KIFC3: variants seen among roughly 807,000 people sequenced by gnomAD.
KIFC3 encodes kinesin-like protein KIFC3.
Under a neutral mutation model 101.8 loss-of-function variants are expected in KIFC3, and 60 were observed. That is an observed-to-expected ratio of 0.59 (90% CI 0.48 to 0.73). The LOEUF (loss-of-function observed/expected upper bound fraction) is 0.73. Ranked by LOEUF, KIFC3 falls within the 30% of genes least tolerant of loss-of-function variation. The probability of loss-of-function intolerance (pLI) is 0.00; values close to 1 mark genes in which losing one functional copy is unlikely to be tolerated. For synonymous variants in KIFC3, 476 were observed against 482.7 expected (o/e 0.99, Z 0.18); for missense variants, 966 against 1,137.1 (o/e 0.85, Z 2.16).
chr16:57,833,207 AATAT>A (rs148991422), intron 1 of KIFC3, among the ~76,000 whole-genome samples: 2 of 149,542 alleles, frequency 1.3e-5, no homozygotes, highest in Admixed American at 1.3e-4. Context: ...CTCTGTCTCA[AATAT>A]ATATATATAT....
intron 1 of KIFC3, among the ~76,000 whole-genome samples, chr16:57,810,337 G>A (rs1467420724): frequency 2.0e-5 from 3 of 152,202 alleles, no homozygotes; most frequent in Admixed American, 6.6e-5. Context: ...CTGTAGCTTC[G>A]CTTTGCTGAG....
In KIFC3 at chr16:57,781,768, T is replaced by C. The variant is rs372403185; in HGVS notation, c.316-9480A>G. ...TCCCCTATTCCCCTGAGGTAGGTACTATTATTATCCCCATTTTACAGGAAG... is the reference window on the plus strand; with the variant it reads ...TCCCCTATTCCCCTGAGGTAGGTACCATTATTATCCCCATTTTACAGGAAG... On this transcript the variant is annotated intron_variant, in intron 3 of 19. Transcript: ENST00000445690. 4.3e-5 allele frequency: 8 copies of C among 187,224 alleles called. No homozygotes were observed. The East Asian group carries it at 5.6e-4, about 13-fold the overall frequency. 11.6% of individuals were successfully genotyped at this position (187,224 alleles called of 1,614,324 possible). A position where few individuals can be genotyped will look rare whatever the true frequency, so the allele number is the denominator to read the frequency against.
intron 1 of KIFC3, among the ~76,000 whole-genome samples, chr16:57,841,092 C>G (rs1440128360): frequency 6.6e-6 from 1 of 152,142 alleles, no homozygotes; most frequent in African/African-American, 2.4e-5. Context: ...CTGGACCTTG[C>G]GTTATCAGCA....
intron 1 of KIFC3, among the ~76,000 whole-genome samples, chr16:57,801,018 T>C (rs1305897707): frequency 6.6e-6 from 1 of 152,180 alleles, no homozygotes; most frequent in African/African-American, 2.4e-5. Context: ...GAACACCACC[T>C]TATAGGGTTG....
At chr16:57,775,696 C>A (rs2051959394) in intron 3 of KIFC3, 5 of 985,596 alleles carry the variant, frequency 5.1e-6, no homozygotes, top group East Asian at 1.1e-4. Flanking sequence ...CCGAGTGCCA[C>A]CCTGGGCCCG....
At chr16:57,788,611 G>T (rs142668436) in intron 3 of KIFC3, 2 of 1,289,142 alleles carry the variant, frequency 1.6e-6, no homozygotes, top group Non-Finnish European at 2.0e-6. Context: ...CCAGCTTCCC[G>T]GGCCTCCCGG....
At chr16:57,813,152 A>T (rs2055131967) in intron 1 of KIFC3, among the ~76,000 whole-genome samples, 1 of 151,894 alleles carries the variant, frequency 6.6e-6, no homozygotes, top group Non-Finnish European at 1.5e-5. Flanking sequence ...ACATGGCGAA[A>T]CTCCATCTCT....
intron 13 of KIFC3, 91 bp downstream of exon 13, chr16:57,762,049 G>A: frequency 6.9e-7 from 1 of 1,447,164 alleles, no homozygotes; most frequent in African/African-American, 1.4e-5. Context: ...CCACATACTG[G>A]GGGTCCCACC....
intron 1 of KIFC3, among the ~76,000 whole-genome samples, chr16:57,845,787 C>T (rs1233325772): frequency 1.3e-5 from 2 of 152,204 alleles, no homozygotes; most frequent in East Asian, 1.9e-4. Context: ...CACCTTCCAA[C>T]AGACAAAATG....
intron 2 of KIFC3, chr16:57,797,661 C>T: frequency 9.0e-7 from 1 of 1,108,156 alleles, no homozygotes; most frequent in African/African-American, 1.7e-5. Flanking sequence ...CAGGCAGGAT[C>T]AAGTGTCAGC....
At chr16:57,833,978 T>C (rs2055637055) in intron 1 of KIFC3, among the ~76,000 whole-genome samples, 1 of 145,876 alleles carries the variant, frequency 6.9e-6, no homozygotes, top group African/African-American at 2.5e-5. Flanking sequence ...TTCTCCTGCC[T>C]CAGCCTCCTG....
At chr16:57,765,707 T>C in intron 10 of KIFC3, 67 bp from the exon 11 acceptor site, 1 of 1,466,496 alleles carries the variant, frequency 6.8e-7, no homozygotes, top group Non-Finnish European at 9.3e-7. Flanking sequence ...TCTGGTCCAC[T>C]GGTGTCCCAG....
chr16:57,760,138 G>C, intron 17 of KIFC3, 144 bp downstream of exon 17: 1 of 971,004 alleles, frequency 1.0e-6, no homozygotes, highest in Non-Finnish European at 1.5e-6. Flanking sequence ...GCTGGCTGTG[G>C]GTTCCAGCCG....
intron 1 of KIFC3, among the ~76,000 whole-genome samples, chr16:57,853,144 C>A (rs1376817147): frequency 6.6e-6 from 1 of 152,050 alleles, no homozygotes; most frequent in Non-Finnish European, 1.5e-5. Context: ...TCTGCCCGGG[C>A]GCGGTGGCTC....
chr16:57,836,472 T>C (rs2055690008), intron 1 of KIFC3, among the ~76,000 whole-genome samples: 2 of 152,068 alleles, frequency 1.3e-5, no homozygotes, highest in Non-Finnish European at 2.9e-5. Flanking sequence ...CATTATTTTC[T>C]CCTGATGAAG....
intron 3 of KIFC3, among the ~76,000 whole-genome samples, chr16:57,784,758 G>C (rs1284843527): frequency 1.3e-5 from 2 of 152,154 alleles, no homozygotes; most frequent in Non-Finnish European, 2.9e-5. Context: ...CTGAGGATGA[G>C]AGTGGGGAAA....
At chr16:57,844,469 T>C (rs2055876979) in intron 1 of KIFC3, among the ~76,000 whole-genome samples, 1 of 149,838 alleles carries the variant, frequency 6.7e-6, no homozygotes, top group African/African-American at 2.5e-5. Flanking sequence ...CGTAAACCTA[T>C]TGGCAAGGTC....
chr16:57,789,327 C>G (rs1412533830), intron 3 of KIFC3, among the ~76,000 whole-genome samples: 13 of 152,202 alleles, frequency 8.5e-5, no homozygotes, highest in African/African-American at 3.1e-4. Context: ...GGACTCGAGA[C>G]AAAGAGAGCC....
intron 3 of KIFC3, among the ~76,000 whole-genome samples, chr16:57,783,473 T>TTTC (rs57871878): frequency 0.7 from 80,636 of 115,420 alleles, 24,625 homozygotes; most frequent in Non-Finnish European, 0.76. Context: ...TTTTCTTTTC[T>TTTC]TTTTTTTTTT....
Sources: allele counts gnomAD v4.1 joint callset (sites outside exome capture counted in the v4.1 genomes callset), GRCh38; gene constraint gnomAD v4.1.1; transcripts MANE v1.5; gene names NCBI Gene and HGNC (gene_info 2026-07-23, HGNC 2026-07-21).